Variants in COBL observed in about 807,000 individuals in gnomAD.
COBL encodes cordon-bleu WH2 repeat protein, also known as protein cordon-bleu.
In COBL, 51 loss-of-function variants were observed where a neutral mutation model predicts 98.8. The ratio of observed to expected loss-of-function variants is 0.52; its 90% CI spans 0.41 to 0.65. COBL has a LOEUF of 0.65. Ranked by LOEUF, COBL falls within the 30% of genes least tolerant of loss-of-function variation. COBL has a pLI of 0.00. For missense variants in COBL, 1,617 were observed against 1,617.5 expected, an observed-to-expected ratio of 1.00 and a Z score of 0.01; for synonymous variants, 634 against 651.7, an observed-to-expected ratio of 0.97 and a Z score of 0.41.
At position 51,250,922 on chromosome 7, in the gene COBL, C is replaced by T. The variant is rs143064026; in HGVS notation, c.42-30978G>A. 5.6e-4 allele frequency among the ~76,000 whole-genome samples: 85 copies of T among 152,160 alleles called. 1 individual carries two copies. The East Asian group carries it at 0.014, about 25-fold the overall frequency. On this transcript the variant is annotated intron_variant, in intron 1 of 12. Transcript: ENST00000265136. ...GGCCTCAGCCACATCAAAGAATTGG[C>T]CAATAAACATACCTCTAAGTTTTCA...
intron 6 of COBL, among the ~76,000 whole-genome samples, chr7:51,106,989 G>A (rs1796339798): frequency 6.6e-6 from 1 of 151,230 alleles, no homozygotes; most frequent in African/African-American, 2.4e-5. Flanking sequence ...ATACAAAGTT[G>A]ATGTTATGAT....
At chr7:51,122,062 C>T (rs1051061214) in intron 6 of COBL, among the ~76,000 whole-genome samples, 4 of 152,156 alleles carry the variant, frequency 2.6e-5, no homozygotes, top group African/African-American at 4.8e-5. Context: ...AGGAGAGTGG[C>T]GAGCTCACCT....
chr7:51,120,243 G>A (rs543873220), intron 6 of COBL, among the ~76,000 whole-genome samples: 77 of 152,234 alleles, frequency 5.1e-4, no homozygotes, highest in Admixed American at 1.0e-3. Context: ...TACATGGAGA[G>A]GGAGGGTAAA....
At chr7:51,019,780 T>C (rs557412901) in intron 12 of COBL, among the ~76,000 whole-genome samples, 1 of 152,348 alleles carries the variant, frequency 6.6e-6, no homozygotes, top group East Asian at 1.9e-4. Flanking sequence ...AGGTTTACAT[T>C]ACGAGCAACT....
chr7:51,040,044 T>A (rs1468449187), intron 8 of COBL, among the ~76,000 whole-genome samples: 3 of 152,110 alleles, frequency 2.0e-5, no homozygotes, highest in Admixed American at 6.5e-5. Flanking sequence ...CCCTAAAGCA[T>A]CCATATTTGC....
chr7:51,208,192 G>A (rs1035996778), intron 2 of COBL, among the ~76,000 whole-genome samples: 1 of 149,886 alleles, frequency 6.7e-6, no homozygotes, highest in Middle Eastern at 3.6e-3. Context: ...CCCTCTGCCT[G>A]GCAACCGCCC....
At chr7:51,229,049 GC>G (rs1178160324) in intron 1 of COBL, among the ~76,000 whole-genome samples, 1 of 152,188 alleles carries the variant, frequency 6.6e-6, no homozygotes, top group Admixed American at 6.5e-5. Context: ...CCCTGCCCTT[GC>G]CTGGAGTGGG....
chr7:51,199,592 C>T (rs1242904586), intron 2 of COBL, among the ~76,000 whole-genome samples: 1 of 152,064 alleles, frequency 6.6e-6, no homozygotes, highest in African/African-American at 2.4e-5. Flanking sequence ...GAAATCAATA[C>T]ATGAACAAAA....
intron 4 of COBL, among the ~76,000 whole-genome samples, chr7:51,190,535 G>A (rs547508495): frequency 6.6e-6 from 1 of 152,220 alleles, no homozygotes; most frequent in Non-Finnish European, 1.5e-5. Context: ...TAGATGGTTT[G>A]GAGTAGTTAC....
At chr7:51,205,649 T>TG (rs988837230) in intron 2 of COBL, among the ~76,000 whole-genome samples, 12 of 148,402 alleles carry the variant, frequency 8.1e-5, no homozygotes, top group East Asian at 1.9e-4. Flanking sequence ...GGTTTTTTGT[T>TG]TTTTTTTTTT....
chr7:51,208,190 C>T (rs1451435057), intron 2 of COBL, among the ~76,000 whole-genome samples: 1 of 150,576 alleles, frequency 6.6e-6, no homozygotes, highest in Non-Finnish European at 1.5e-5. Flanking sequence ...GACCCTCTGC[C>T]TGGCAACCGC....
chr7:51,076,771 T>C (rs962213693), intron 7 of COBL, among the ~76,000 whole-genome samples: 2 of 152,230 alleles, frequency 1.3e-5, no homozygotes, highest in Non-Finnish European at 2.9e-5. Context: ...TTTGATCTTT[T>C]GTCAATTACC....
intron 1 of COBL, among the ~76,000 whole-genome samples, chr7:51,267,953 G>A (rs977507977): frequency 4.6e-5 from 7 of 152,160 alleles, no homozygotes; most frequent in Non-Finnish European, 8.8e-5. Flanking sequence ...AATGGATCAC[G>A]AAGCACACCC....
intron 6 of COBL, among the ~76,000 whole-genome samples, chr7:51,115,746 T>C (rs868451579): frequency 6.6e-6 from 1 of 152,094 alleles, no homozygotes; most frequent in African/African-American, 2.4e-5. Context: ...GTTGGTAGTG[T>C]TGGTCAGATC....
At chr7:51,051,854 C>T (rs952983526) in intron 7 of COBL, among the ~76,000 whole-genome samples, 5 of 122,550 alleles carry the variant, frequency 4.1e-5, no homozygotes, top group Admixed American at 8.0e-5. Flanking sequence ...GCTGATGATG[C>T]TTAGAATCAG....
intron 5 of COBL, among the ~76,000 whole-genome samples, chr7:51,139,749 GAAT>G (rs1165520600): frequency 4.6e-5 from 7 of 152,244 alleles, no homozygotes; most frequent in African/African-American, 1.7e-4. Flanking sequence ...GCAATCCACA[GAAT>G]AATGTGGGAG....
chr7:51,201,423 C>A (rs1399942205), intron 2 of COBL, among the ~76,000 whole-genome samples: 1 of 151,790 alleles, frequency 6.6e-6, no homozygotes, highest in Non-Finnish European at 1.5e-5. Context: ...ATACTTAAAC[C>A]ACCAACATGA....
chr7:51,058,492 G>T (rs1349077390), intron 7 of COBL, among the ~76,000 whole-genome samples: 1 of 152,092 alleles, frequency 6.6e-6, no homozygotes, highest in Non-Finnish European at 1.5e-5. Context: ...AATCGAGGCT[G>T]CAGTGAACTA....
chr7:51,065,200 T>TACC (rs1791783635), intron 7 of COBL: 1 of 702,686 alleles, frequency 1.4e-6, no homozygotes, highest in African/African-American at 1.7e-5. Flanking sequence ...ACAAGATGGG[T>TACC]TGTGTGTGTG....
Sources: allele counts gnomAD v4.1 joint callset (sites outside exome capture counted in the v4.1 genomes callset), GRCh38; gene constraint gnomAD v4.1.1; transcripts MANE v1.5; gene names NCBI Gene and HGNC (gene_info 2026-07-23, HGNC 2026-07-21).